Variants in POSTN observed in about 807,000 individuals in gnomAD.
POSTN encodes periostin, also known as osteoblast specific factor 2 (fasciclin I-like).
Under a neutral mutation model 104.5 loss-of-function variants are expected in POSTN, and 71 were observed. That is an observed-to-expected ratio of 0.68 (90% CI 0.56 to 0.83). The LOEUF (loss-of-function observed/expected upper bound fraction) is 0.83. Among genes scored for constraint, POSTN ranks in the 40% least tolerant of loss-of-function variants. The probability of loss-of-function intolerance (pLI) is 0.00; values close to 1 mark genes in which losing one functional copy is unlikely to be tolerated. For synonymous variants in POSTN, 355 were observed against 340.7 expected (o/e 1.04, Z -0.46); for missense variants, 949 against 1,006.8 (o/e 0.94, Z 0.78).
At chr13:37,568,492 A>G (rs2138162230) in intron 21 of POSTN, among the ~76,000 whole-genome samples, 1 of 152,156 alleles carries the variant, frequency 6.6e-6, no homozygotes, top group African/African-American at 2.4e-5. Context: ...AGTATATTTC[A>G]AAGTGCCTAT....
intron 2 of POSTN, among the ~76,000 whole-genome samples, chr13:37,594,862 T>C (rs1951040114): frequency 6.6e-6 from 1 of 152,194 alleles, no homozygotes; most frequent in Non-Finnish European, 1.5e-5. Context: ...CCAGTCAGTC[T>C]TCCTGTCAAT....
intron 4 of POSTN, among the ~76,000 whole-genome samples, chr13:37,589,184 A>C (rs562366083): frequency 6.6e-6 from 1 of 152,266 alleles, no homozygotes; most frequent in African/African-American, 2.4e-5. Flanking sequence ...TAAACAATAG[A>C]AATATTCTAC....
intron 6 of POSTN, 137 bp from the exon 7 acceptor site, chr13:37,586,417 T>C (rs1250595088): frequency 5.2e-6 from 5 of 960,068 alleles, no homozygotes; most frequent in Non-Finnish European, 4.5e-6. Flanking sequence ...CTTCAAAATA[T>C]TACTTTTTGA....
rs1453327541 is a variant in POSTN at position 37,569,757 on chromosome 13, T to A, written c.2334A>T (p.Lys778Asn). 2 of 1,599,056 alleles carry A rather than the reference T, an allele frequency of 1.3e-6. No homozygotes were observed. Among genetic ancestry groups the A allele is most frequent in the East Asian group, 2.2e-5 (1 of 44,748 alleles). Residue 778 changes from lysine (K) to asparagine (N), a missense_variant, in exon 20 of 23, where the codon AAA (lysine) becomes AAT (asparagine). Transcript: ENST00000379747. ...AGAAATGCTGACCTTCTTGTAACAATTTCTTCAGAGTTTCTTCTGTTTCTC... is the reference window on the plus strand; with the variant it reads ...AGAAATGCTGACCTTCTTGTAACAAATTCTTCAGAGTTTCTTCTGTTTCTC... Reference protein sequence around the residue: ...GGGETEETLKKLLQEEVTKVT... With the variant: ...GGGETEETLKNLLQEEVTKVT...
chr13:37,580,718 A>G lies in POSTN; in HGVS notation c.1393-21T>C, dbSNP rs1950559261. On this transcript the variant is annotated intron_variant, in intron 10 of 22. Coordinates refer to ENST00000379747, the MANE Select transcript of POSTN (RefSeq NM_006475.3). ...ACAGCCTAGGAAAGGAAAGAAAGGT[A>G]TGGGGTGTCATTTTCCTTGCTTGAA... The G allele has an allele frequency of 2.5e-6, 4 of 1,613,370 alleles. No homozygotes were observed. In the East Asian group the frequency reaches 8.9e-5, roughly 36 times the overall value.
Position 37,569,346 on chromosome 13 carries a change from A to G in POSTN, c.2385T>C (p.Asp795=). The change falls in exon 21 of 23, where the codon GAT becomes GAC. Residue 795 remains aspartate (D), a synonymous_variant. Coordinates refer to ENST00000379747, the MANE Select transcript of POSTN (RefSeq NM_006475.3). The part of the protein sequence containing the change: ...TKVTKFIEGG[D]GHLFEDEEIK... ...TTTCTTCATCTTCAAATAAATGACC[A>G]TCACCACCTTCAATGAATTTGGTGA... is the stretch of plus-strand genomic sequence containing the variant. The G allele has an allele frequency of 6.2e-7, 1 of 1,612,976 alleles. No individual in the cohort carries two copies.
Position 37,594,877 on chromosome 13 carries a change from T to C in POSTN, c.218+2307A>G, listed in dbSNP as rs17056146. ...CCAGTCAGTCTTCCTGTCAATAGTA[T>C]TGATTTCTTTGGTTATTTGAAATTA... On this transcript the variant is annotated intron_variant, in intron 2 of 22. Coordinates refer to ENST00000379747, the MANE Select transcript of POSTN (RefSeq NM_006475.3). Among the ~76,000 whole-genome samples the C allele has an allele frequency of 7.9e-3, 1,210 of 152,236 alleles. 14 individuals are homozygous for C. Among genetic ancestry groups the C allele is most frequent in the African/African-American group, 0.027 (1,118 of 41,546 alleles).
In POSTN at chr13:37,598,658, A is replaced by C. The variant is rs768586852; in HGVS notation, c.69T>G (p.Asn23Lys). The change falls in exon 1 of 23, where the codon AAT (asparagine) becomes AAG (lysine). Residue 23 changes from asparagine (N) to lysine (K), a missense_variant. Transcript: ENST00000379747. ...TATGAGCCAAGATCTTGTCATAATG[A>C]TTGTTGGCGTTTATAGGGTTAACAA... ...LLIVNPINAN[N>K]HYDKILAHSR... 1 of 1,613,510 alleles carries C rather than the reference A, an allele frequency of 6.2e-7. No homozygotes were observed. Among genetic ancestry groups the C allele is most frequent in the South Asian group, 1.1e-5 (1 of 91,042 alleles).
intron 6 of POSTN, 109 bp downstream of exon 6, chr13:37,586,673 A>T (rs918068711): frequency 3.8e-6 from 4 of 1,063,258 alleles, no homozygotes; most frequent in African/African-American, 3.2e-5. Flanking sequence ...CTTTCAAAAA[A>T]TATGTGTTAC....
At position 37,579,224 on chromosome 13, in the gene POSTN, C is replaced by T. The variant is rs751036292; in HGVS notation, c.1791+5G>A. ...ACTATCATAAATTCATTCTAGACAA[C>T]TTACTTCTTTCAGAAAGATTTTGCT... is the stretch of plus-strand genomic sequence containing the variant. On this transcript the variant is annotated splice_donor_5th_base_variant and intron_variant, in intron 13 of 22. Coordinates refer to ENST00000379747, the MANE Select transcript of POSTN (RefSeq NM_006475.3). 2 of 1,610,522 alleles carry T rather than the reference C, an allele frequency of 1.2e-6. No individual in the cohort carries two copies.
chr13:37,597,394 G>A, intron 1 of POSTN, 112 bp from the exon 2 acceptor site: 3 of 676,792 alleles, frequency 4.4e-6, no homozygotes, highest in South Asian at 1.9e-5. Context: ...GATATCCAAA[G>A]ACATGATTCT....
chr13:37,563,306 A>G lies in POSTN; in HGVS notation c.*27T>C, dbSNP rs773492529. ...TCAGGTTATTGACTTAGGGTTGTAT[A>G]AACATTTTTTTCTGGTTTTTGGATT... On this transcript the variant is annotated 3_prime_UTR_variant, in exon 23 of 23. Transcript: ENST00000379747. 2 of 1,547,450 alleles carry G rather than the reference A, an allele frequency of 1.3e-6. No homozygotes were observed. The highest frequency in any genetic ancestry group is 1.8e-6 in the Non-Finnish European group (2 of 1,125,722).
chr13:37,570,780 A>G, intron 18 of POSTN, 111 bp from the exon 19 acceptor site: 1 of 704,458 alleles, frequency 1.4e-6, no homozygotes, highest in Admixed American at 2.5e-5. Context: ...TTACCATTTA[A>G]GATTCAATCA....
At chr13:37,564,183 T>TATACAAAACATTACATAC in intron 22 of POSTN, among the ~76,000 whole-genome samples, 1 of 32,434 alleles carries the variant, frequency 3.1e-5, no homozygotes, top group East Asian at 9.7e-4. Flanking sequence ...AAACATTACA[T>TATACAAAACATTACATAC]ATATATATAT....
rs765935819 is a variant in POSTN, at chr13:37,574,559, C to T, written c.2089+13G>A. On this transcript the variant is annotated intron_variant, in intron 17 of 22. Coordinates refer to ENST00000379747, the MANE Select transcript of POSTN (RefSeq NM_006475.3). The stretch of plus-strand genomic sequence containing the variant: ...TTACTATAAAAGGAACCATGTATAA[C>T]ATTGATTTTTACCTTCAGTTTTGAT... The T allele has an allele frequency of 1.9e-6, 3 of 1,586,086 alleles. No individual in the cohort carries two copies. Among genetic ancestry groups the T allele is most frequent in the Admixed American group, 1.9e-5 (1 of 53,582 alleles).
At position 37,590,457 on chromosome 13, in the gene POSTN, G is replaced by T. The variant is rs763682955; in HGVS notation, c.356C>A (p.Ala119Asp). ...GATTTQRYSDASKLREEIEGK... is the reference protein window; with the variant it reads ...GATTTQRYSDDSKLREEIEGK... ...CTCGATCTCCTCCCTCAGTTTTGAG[G>T]CGTCAGAATAGCGCTGCGTTGTGGT... The change falls in exon 4 of 23, where the codon GCC becomes GAC. Residue 119 changes from alanine to aspartate, a missense_variant. By Grantham distance (126) the Ala-to-Asp change is moderately radical. Transcript: ENST00000379747. The T allele has an allele frequency of 6.2e-7, 1 of 1,613,418 alleles. No individual in the cohort carries two copies. Among genetic ancestry groups the T allele is most frequent in the South Asian group, 1.1e-5 (1 of 90,958 alleles).
At chr13:37,587,037 A>G (rs1950767807) in intron 5 of POSTN, 109 bp from the exon 6 acceptor site, 1 of 887,736 alleles carries the variant, frequency 1.1e-6, no homozygotes, top group Admixed American at 2.7e-5. Flanking sequence ...TGTAACATAC[A>G]GGAAACTACA....
In POSTN at chr13:37,598,631, A is replaced by G. The variant is rs752104797; in HGVS notation, c.96T>C (p.Ser32=). The G allele has an allele frequency of 1.2e-6, 2 of 1,613,072 alleles. No individual in the cohort carries two copies. Among genetic ancestry groups the G allele is most frequent in the Non-Finnish European group, 8.5e-7 (1 of 1,179,206 alleles). Reference sequence around the variant, plus strand: ...ACCCTTGGTCCCGACCCCTGATACGACTATGAGCCAAGATCTTGTCATAAT... The same window carrying G: ...ACCCTTGGTCCCGACCCCTGATACGGCTATGAGCCAAGATCTTGTCATAAT... ...NNHYDKILAH[S]RIRGRDQGPN... Residue 32 remains serine (S), a synonymous_variant, in exon 1 of 23, where the codon AGT becomes AGC. Coordinates refer to ENST00000379747, the MANE Select transcript of POSTN (RefSeq NM_006475.3).
chr13:37,585,783 C>T (rs1254220761), intron 7 of POSTN, among the ~76,000 whole-genome samples: 1 of 152,162 alleles, frequency 6.6e-6, no homozygotes, highest in African/African-American at 2.4e-5. Context: ...ACAGTTCTCA[C>T]AACTCAATAT....
Sources: gnomAD v4.1 joint callset for allele counts (sites outside exome capture counted in the v4.1 genomes callset) on GRCh38, gnomAD v4.1.1 for gene constraint, MANE v1.5 for transcripts, NCBI Gene and HGNC (gene_info 2026-07-23, HGNC 2026-07-21) for gene names.